KCNQ5: variants seen among roughly 807,000 people sequenced by gnomAD.
KCNQ5 encodes potassium voltage-gated channel subfamily Q member 5, also known as potassium voltage-gated channel subfamily KQT member 5.
KCNQ5 carries 30 observed loss-of-function variants against 98.2 expected under a neutral mutation model. The observed-to-expected ratio is 0.31, with a 90% CI of 0.23 to 0.41. The LOEUF is 0.41. Ranked by LOEUF, KCNQ5 falls within the 10% of genes least tolerant of loss-of-function variation. The probability of loss-of-function intolerance (pLI) is 1.00; values close to 1 mark genes in which losing one functional copy is unlikely to be tolerated. For synonymous variants in KCNQ5, 458 were observed against 449.4 expected, an observed-to-expected ratio of 1.02 and a Z score of -0.24; for missense variants, 835 against 1,182.5, an observed-to-expected ratio of 0.71 and a Z score of 4.31.
At chr6:73,005,873 A>G (rs760745135) in intron 2 of KCNQ5, among the ~76,000 whole-genome samples, 4 of 152,206 alleles carry the variant, frequency 2.6e-5, no homozygotes, top group African/African-American at 4.8e-5. Context: ...TCTTTGTACT[A>G]TAGTGATACA....
intron 7 of KCNQ5, among the ~76,000 whole-genome samples, chr6:73,120,040 C>A (rs2150438400): frequency 6.6e-6 from 1 of 151,000 alleles, no homozygotes; most frequent in South Asian, 2.1e-4. Context: ...GAATTTGAGA[C>A]CAGCCTGGCC....
At position 72,712,387 on chromosome 6, in the gene KCNQ5, A is replaced by G. The variant is rs76543583; in HGVS notation, c.398+89800A>G. 9.1e-4 allele frequency among the ~76,000 whole-genome samples: 138 copies of G among 152,360 alleles called. 1 individual carries two copies. Among genetic ancestry groups the G allele is most frequent in the African/African-American group, 3.0e-3 (124 of 41,594 alleles). ...ATACACTCTGAAGTGAGTAGCATGC[A>G]GCAGCAAGCCTAGCATATGAATGAA... is the stretch of plus-strand genomic sequence containing the variant. On this transcript the variant is annotated intron_variant, in intron 1 of 13. Transcript: ENST00000370398.
intron 10 of KCNQ5, among the ~76,000 whole-genome samples, chr6:73,163,679 C>G (rs761499079): frequency 9.3e-4 from 141 of 152,250 alleles, no homozygotes; most frequent in Non-Finnish European, 1.6e-3. Flanking sequence ...ACCCGGGGGG[C>G]GGAGGTTGCA....
intron 8 of KCNQ5, 68 bp from the exon 9 acceptor site, chr6:73,124,418 A>G (rs1775866263): frequency 4.7e-6 from 7 of 1,490,138 alleles, no homozygotes; most frequent in Non-Finnish European, 6.5e-6. Flanking sequence ...CAATTTGGCC[A>G]TTATCAAGTG....
intron 1 of KCNQ5, among the ~76,000 whole-genome samples, chr6:72,703,115 A>G (rs1312401160): frequency 6.6e-6 from 1 of 152,206 alleles, no homozygotes. Context: ...TATAGCAGAC[A>G]AGCTTTTATT....
At chr6:73,143,040 C>T (rs867997057) in intron 10 of KCNQ5, among the ~76,000 whole-genome samples, 1 of 152,158 alleles carries the variant, frequency 6.6e-6, no homozygotes, top group South Asian at 2.1e-4. Flanking sequence ...TTCAGCTTTT[C>T]AAGAGGTTGA....
chr6:73,132,256 C>T (rs1355364777), intron 9 of KCNQ5, among the ~76,000 whole-genome samples: 1 of 152,178 alleles, frequency 6.6e-6, no homozygotes, highest in African/African-American at 2.4e-5. Context: ...TGCGGCTTTA[C>T]TCTCTCAGAG....
At chr6:72,683,956 C>T (rs569481510) in intron 1 of KCNQ5, among the ~76,000 whole-genome samples, 9 of 152,220 alleles carry the variant, frequency 5.9e-5, no homozygotes, top group Non-Finnish European at 1.2e-4. Flanking sequence ...AGAAAGCCAT[C>T]GGTATCTTCA....
chr6:72,891,654 C>T (rs570592707), intron 1 of KCNQ5, among the ~76,000 whole-genome samples: 3 of 152,220 alleles, frequency 2.0e-5, no homozygotes, highest in East Asian at 1.9e-4. Flanking sequence ...ATTTATGCAC[C>T]GATGTTAGAA....
chr6:73,034,849 T>C (rs569422639), intron 2 of KCNQ5, among the ~76,000 whole-genome samples: 4,103 of 148,198 alleles, frequency 0.028, 180 homozygotes, highest in African/African-American at 0.098. Flanking sequence ...CTTTTTTTTT[T>C]TTTTTTTTTT....
At chr6:72,966,490 C>G (rs1409422209) in intron 1 of KCNQ5, among the ~76,000 whole-genome samples, 2 of 151,894 alleles carry the variant, frequency 1.3e-5, no homozygotes, top group African/African-American at 4.8e-5. Flanking sequence ...ATCTCTTGAA[C>G]CCGGGAGGCA....
At chr6:72,957,513 A>G (rs1320750160) in intron 1 of KCNQ5, among the ~76,000 whole-genome samples, 1 of 152,130 alleles carries the variant, frequency 6.6e-6, no homozygotes, top group Admixed American at 6.5e-5. Flanking sequence ...CCTCGCTCCC[A>G]GGGATTCCAA....
intron 1 of KCNQ5, among the ~76,000 whole-genome samples, chr6:72,752,451 C>T (rs1003926813): frequency 2.6e-5 from 4 of 152,080 alleles, no homozygotes; most frequent in African/African-American, 7.2e-5. Flanking sequence ...CAGATTTCTG[C>T]TTTCTTTAGG....
At chr6:72,929,504 C>T (rs1226659275) in intron 1 of KCNQ5, among the ~76,000 whole-genome samples, 1 of 152,094 alleles carries the variant, frequency 6.6e-6, no homozygotes, top group Non-Finnish European at 1.5e-5. Context: ...AATTGCAGAA[C>T]CAACTTCATG....
chr6:72,632,141 T>TTC (rs2098921212), intron 1 of KCNQ5, among the ~76,000 whole-genome samples: 1 of 147,058 alleles, frequency 6.8e-6, no homozygotes, highest in Non-Finnish European at 1.5e-5. Flanking sequence ...TTTCTTTCTT[T>TTC]TTTTTTTTTT....
intron 1 of KCNQ5, among the ~76,000 whole-genome samples, chr6:72,793,617 A>G (rs1450001626): frequency 6.6e-6 from 1 of 152,250 alleles, no homozygotes; most frequent in Non-Finnish European, 1.5e-5. Context: ...TCAGAATACT[A>G]GAGGGACATT....
chr6:73,016,788 G>T (rs1436612510), intron 2 of KCNQ5, among the ~76,000 whole-genome samples: 1 of 152,040 alleles, frequency 6.6e-6, no homozygotes, highest in Non-Finnish European at 1.5e-5. Flanking sequence ...AGAAATTTCT[G>T]GGAGGGCTTT....
At chr6:72,922,812 T>TTTTCTTTC (rs1317734431) in intron 1 of KCNQ5, among the ~76,000 whole-genome samples, 1 of 126,784 alleles carries the variant, frequency 7.9e-6, no homozygotes, top group Non-Finnish European at 1.6e-5. Context: ...TTCTTTTTCT[T>TTTTCTTTC]TTTTTTTTTT....
chr6:72,659,690 A>ATCTTT (rs1055990899), intron 1 of KCNQ5, among the ~76,000 whole-genome samples: 1 of 152,188 alleles, frequency 6.6e-6, no homozygotes, highest in African/African-American at 2.4e-5. Context: ...AGGTCACTGA[A>ATCTTT]TCTTTTCTTG....
Sources: gnomAD v4.1 joint callset for allele counts (sites outside exome capture counted in the v4.1 genomes callset) on GRCh38, gnomAD v4.1.1 for gene constraint, MANE v1.5 for transcripts, NCBI Gene and HGNC (gene_info 2026-07-23, HGNC 2026-07-21) for gene names.